Variants in ADAMTS5 observed in about 807,000 individuals in gnomAD.
ADAMTS5 encodes the protein A disintegrin and metalloproteinase with thrombospondin motifs 5.
A neutral mutation model predicts 81.4 loss-of-function variants in ADAMTS5; 54 were observed. The observed-to-expected ratio is 0.66, with a 90% CI of 0.53 to 0.83. The LOEUF is 0.83. Ranked by LOEUF, ADAMTS5 falls within the 40% of genes least tolerant of loss-of-function variation. The pLI is 0.00. For synonymous variants in ADAMTS5, 532 were observed against 508.8 expected (o/e 1.05, Z -0.61); for missense variants, 1,194 against 1,229.9 (o/e 0.97, Z 0.44).
At chr21:26,960,350 C>T (rs1269529757) in intron 1 of ADAMTS5, among the ~76,000 whole-genome samples, 1 of 152,224 alleles carries the variant, frequency 6.6e-6, no homozygotes, top group Non-Finnish European at 1.5e-5. Context: ...TGCCATTGCA[C>T]TTAATTTACA....
In ADAMTS5 at chr21:26,965,594, G is replaced by T. The variant is rs2123213676; in HGVS notation, c.798C>A (p.Ala266=). 5 of 1,604,158 alleles carry T rather than the reference G, an allele frequency of 3.1e-6. No homozygotes were observed. Among genetic ancestry groups the T allele is most frequent in the East Asian group, 4.5e-5 (2 of 44,590 alleles). Residue 266 remains alanine, a synonymous_variant, in exon 1 of 8, where the codon GCC becomes GCA. Transcript: ENST00000284987. ...WRRRRRSISR[A]RQVELLLVAD... ...CCACCAGAAGCAGCTCCACCTGGCG[G>T]GCCCGGGAGATGGAGCGGCGCCGCC...
rs987957104 is a variant in ADAMTS5 at position 26,921,498 on chromosome 21, C to T, written c.*2555G>A. 1.4e-5 allele frequency: 2 copies of T among 146,648 alleles called. No individual in the cohort carries two copies. Among genetic ancestry groups the T allele is most frequent in the Admixed American group, 6.9e-5 (1 of 14,482 alleles). The allele number at this position is 146,648 out of a possible 1,614,324, so 9.1% of individuals were successfully genotyped here. A position where few individuals can be genotyped will look rare whatever the true frequency, so the allele number is the denominator to read the frequency against. ...AGCCCCTAGCATCCTGAATTCTAGACATTTTAAAAAATTCAAGATGCAACA... is the reference window on the plus strand; with the variant it reads ...AGCCCCTAGCATCCTGAATTCTAGATATTTTAAAAAATTCAAGATGCAACA... On this transcript the variant is annotated 3_prime_UTR_variant, in exon 8 of 8. Coordinates refer to ENST00000284987, the MANE Select transcript of ADAMTS5 (RefSeq NM_007038.5).
intron 2 of ADAMTS5, among the ~76,000 whole-genome samples, chr21:26,953,173 C>T (rs1265381464): frequency 2.0e-5 from 3 of 152,172 alleles, no homozygotes; most frequent in South Asian, 2.1e-4. Flanking sequence ...CTCATTAGCC[C>T]ACTTTATAGG....
At chr21:26,934,338 A>G (rs1986969756) in intron 4 of ADAMTS5, 128 bp downstream of exon 4, 8 of 1,260,858 alleles carry the variant, frequency 6.3e-6, no homozygotes, top group Non-Finnish European at 8.6e-6. Flanking sequence ...GAAGCTCTAA[A>G]TAAACCTCAA....
intron 2 of ADAMTS5, among the ~76,000 whole-genome samples, chr21:26,945,682 G>A (rs1987202451): frequency 6.6e-6 from 1 of 152,118 alleles, no homozygotes; most frequent in Non-Finnish European, 1.5e-5. Flanking sequence ...AATTATGTAA[G>A]CAAGTCAATT....
intron 7 of ADAMTS5, among the ~76,000 whole-genome samples, chr21:26,926,257 T>C (rs1209773594): frequency 6.6e-6 from 1 of 152,196 alleles, no homozygotes; most frequent in Non-Finnish European, 1.5e-5. Context: ...TGAGATCCTG[T>C]CTAAACAGAA....
rs185332317 is a variant in ADAMTS5, at chr21:26,928,896, T to C, written c.2225+990A>G. Among the ~76,000 whole-genome samples the C allele has an allele frequency of 9.5e-4, 144 of 152,288 alleles. 1 individual carries two copies. Among genetic ancestry groups the C allele is most frequent in the African/African-American group, 2.7e-3 (114 of 41,570 alleles). On this transcript the variant is annotated intron_variant, in intron 7 of 7. Transcript: ENST00000284987. ...AAGGTTGGACTGATCATCTCCAAGG[T>C]GTTTTATACCTTTGAAACATATAAA...
At chr21:26,962,561 G>A (rs1987549277) in intron 1 of ADAMTS5, among the ~76,000 whole-genome samples, 1 of 152,148 alleles carries the variant, frequency 6.6e-6, no homozygotes, top group Non-Finnish European at 1.5e-5. Flanking sequence ...GTAAACAGAG[G>A]TAGAAAACAT....
intron 3 of ADAMTS5, among the ~76,000 whole-genome samples, chr21:26,940,812 T>G (rs949135767): frequency 3.3e-5 from 5 of 152,170 alleles, no homozygotes; most frequent in Non-Finnish European, 1.5e-5. Context: ...TTCTCTCCCA[T>G]GCTCTGTAGT....
Position 26,922,120 on chromosome 21 carries a change from C to T in ADAMTS5, c.*1933G>A, listed in dbSNP as rs1405394844. On this transcript the variant is annotated 3_prime_UTR_variant, in exon 8 of 8. Coordinates refer to ENST00000284987, the MANE Select transcript of ADAMTS5 (RefSeq NM_007038.5). ...TCTGCCCTTGGCATTGGGTGATCTC[C>T]ATCACATATAGGTTATCAGCCTTGT... 1 of 151,906 alleles carries T rather than the reference C, an allele frequency of 6.6e-6. No individual in the cohort carries two copies. Among genetic ancestry groups the T allele is most frequent in the Non-Finnish European group, 1.5e-5 (1 of 67,914 alleles). The allele number at this position is 151,906 out of a possible 1,614,324, so 9.4% of individuals were successfully genotyped here.
At chr21:26,930,891 G>T (rs975631990) in intron 6 of ADAMTS5, among the ~76,000 whole-genome samples, 4 of 151,892 alleles carry the variant, frequency 2.6e-5, no homozygotes, top group African/African-American at 9.7e-5. Context: ...TGTAGATGGT[G>T]GTATTTTCAG....
At chr21:26,945,991 A>G (rs1467328469) in intron 2 of ADAMTS5, among the ~76,000 whole-genome samples, 1 of 152,198 alleles carries the variant, frequency 6.6e-6, no homozygotes, top group Non-Finnish European at 1.5e-5. Flanking sequence ...TCTGTGCTCC[A>G]TGAAGAAAGC....
rs537438431 is a variant in ADAMTS5, at chr21:26,926,885, T to A, written c.2226-2265A>T. On this transcript the variant is annotated intron_variant, in intron 7 of 7. Transcript: ENST00000284987. ...AAGCTTTTTTGGGTGTTTACCCTTGTTCCTTAGAGCTTATCTCATCTTGAT... is the reference window on the plus strand; with the variant it reads ...AAGCTTTTTTGGGTGTTTACCCTTGATCCTTAGAGCTTATCTCATCTTGAT... Among the ~76,000 whole-genome samples the A allele has an allele frequency of 3.3e-5, 5 of 152,238 alleles. No homozygotes were observed. The South Asian group carries it at 6.2e-4, about 19-fold the overall frequency.
chr21:26,924,287 C>A lies in ADAMTS5; in HGVS notation c.2559G>T (p.Lys853Asn), dbSNP rs921502863. 2 of 1,614,010 alleles carry A rather than the reference C, an allele frequency of 1.2e-6. No homozygotes were observed. Among genetic ancestry groups the A allele is most frequent in the African/African-American group, 2.7e-5 (2 of 74,908 alleles). Reference protein sequence around the residue: ...LDVRYSFFVPKKSTPKVNSVT... With the variant: ...LDVRYSFFVPNKSTPKVNSVT... ...CAGAGTTTACTTTTGGAGTGGACTT[C>A]TTGGGAACAAAAAAGCTATAACGGA... The change falls in exon 8 of 8, where the codon AAG (lysine) becomes AAT (asparagine). Residue 853 changes from lysine to asparagine, a missense_variant. Lys to Asn is a moderately conservative substitution (Grantham distance 94, BLOSUM62 0). Coordinates refer to ENST00000284987, the MANE Select transcript of ADAMTS5 (RefSeq NM_007038.5).
At chr21:26,956,538 A>G (rs1987430847) in intron 1 of ADAMTS5, among the ~76,000 whole-genome samples, 1 of 152,198 alleles carries the variant, frequency 6.6e-6, no homozygotes, top group Non-Finnish European at 1.5e-5. Context: ...TCTTTGAGAT[A>G]ATAATGTAGC....
rs373831167 is a variant in ADAMTS5, at chr21:26,966,192, C to G, written c.200G>C (p.Arg67Pro). 8.8e-6 allele frequency: 14 copies of G among 1,599,112 alleles called. No homozygotes were observed. Among genetic ancestry groups the G allele is most frequent in the Non-Finnish European group, 1.2e-5 (14 of 1,172,948 alleles). The change falls in exon 1 of 8, where the codon CGG becomes CCG. Residue 67 changes from arginine (R) to proline (P), a missense_variant. Around this residue, in one of 2 missense-constraint regions of ADAMTS5, gnomAD observed 498 missense variants for 412.3 expected, o/e 1.21. Transcript: ENST00000284987. ...CTGCACCAGCCCCTTGCTCCTGCGC[C>G]GCTGCGCCAGGGGGTGCGGGTGGCC... ...PPGHPHPLAQ[R>P]RRSKGLVQNI...
intron 2 of ADAMTS5, among the ~76,000 whole-genome samples, chr21:26,944,952 G>A (rs75343251): frequency 0.026 from 3,959 of 152,040 alleles, 177 homozygotes; most frequent in African/African-American, 0.09. Flanking sequence ...TATTTACTTC[G>A]ACAGCATTTA....
At chr21:26,939,182 A>G (rs918858355) in intron 3 of ADAMTS5, among the ~76,000 whole-genome samples, 1 of 152,178 alleles carries the variant, frequency 6.6e-6, no homozygotes, top group African/African-American at 2.4e-5. Context: ...GCACTTCAAA[A>G]AACCAGACAA....
Position 26,919,130 on chromosome 21 carries a change from C to T in ADAMTS5, c.*4923G>A, listed in dbSNP as rs562796915. ...AAATACCACATTTGACAGTCGGTCA[C>T]GAAAGATGTTAGCACCTCAATAAAA... is the stretch of plus-strand genomic sequence containing the variant. On this transcript the variant is annotated 3_prime_UTR_variant, in exon 8 of 8. Coordinates refer to ENST00000284987, the MANE Select transcript of ADAMTS5 (RefSeq NM_007038.5). 5.3e-5 allele frequency: 8 copies of T among 151,682 alleles called. No homozygotes were observed. The highest frequency in any genetic ancestry group is 7.2e-5 in the African/African-American group (3 of 41,398). The allele number at this position is 151,682 out of a possible 1,614,324, so 9.4% of individuals were successfully genotyped here. A position where few individuals can be genotyped will look rare whatever the true frequency, so the allele number is the denominator to read the frequency against.
Sources: allele counts gnomAD v4.1 joint callset (sites outside exome capture counted in the v4.1 genomes callset), GRCh38; gene constraint gnomAD v4.1.1; regional missense constraint gnomAD v4.1.1; transcripts MANE v1.5; gene names NCBI Gene and HGNC (gene_info 2026-07-23, HGNC 2026-07-21).